The following NGF variants were observed in gnomAD, a reference collection of about 807,000 sequenced individuals.
The protein encoded by NGF is beta-nerve growth factor.
In NGF, 4 loss-of-function variants were observed where a neutral mutation model predicts 12.8. The ratio of observed to expected loss-of-function variants is 0.31; its 90% confidence interval spans 0.15 to 0.72. NGF has a LOEUF of 0.72. NGF is among the 30% of genes least tolerant of loss of function. The probability of loss-of-function intolerance (pLI) is 0.69; values close to 1 mark genes in which losing one functional copy is unlikely to be tolerated. For synonymous variants in NGF, 140 were observed against 130.0 expected (o/e 1.08, Z -0.52); for missense variants, 283 against 330.8 (o/e 0.86, Z 1.12).
intron 1 of NGF, among the ~76,000 whole-genome samples, chr1:115,300,666 A>T (rs1301113303): frequency 6.6e-6 from 1 of 152,166 alleles, no homozygotes; most frequent in African/African-American, 2.4e-5. Flanking sequence ...CTGACTTCAC[A>T]CCCAGAAAAT....
chr1:115,319,494 G>A (rs1436287208), intron 1 of NGF, among the ~76,000 whole-genome samples: 1 of 152,160 alleles, frequency 6.6e-6, no homozygotes, highest in Non-Finnish European at 1.5e-5. Flanking sequence ...CCTCGCCTCT[G>A]GGATGGCTGC....
At chr1:115,309,087 C>T (rs746332435) in intron 1 of NGF, among the ~76,000 whole-genome samples, 37 of 152,264 alleles carry the variant, frequency 2.4e-4, no homozygotes, top group Admixed American at 9.2e-4. Context: ...AGCAGAATGA[C>T]GTGGAGAAGG....
chr1:115,333,710 TTTCTTTTCTTTCTTTCC>T lies in NGF; in HGVS notation c.-137+4477_-137+4493del, dbSNP rs1418892613. ...CTTTCTTTCTTTCTTTCTTTCTTTCTTTCTTTTCTTTCTTTCCTTCTTTCTTTCTTTCTTCCTTCCTC... is the reference window on the plus strand; with the variant it reads ...CTTTCTTTCTTTCTTTCTTTCTTTCTTTCTTTCTTTCTTTCTTCCTTCCTC... On this transcript the variant is annotated intron_variant, in intron 1 of 2. Coordinates refer to ENST00000369512, the MANE Select transcript of NGF (RefSeq NM_002506.3). 7.6e-5 allele frequency among the ~76,000 whole-genome samples: 4 copies of T among 52,440 alleles called. 1 individual carries two copies. The highest frequency in any genetic ancestry group is 1.9e-4 in the Admixed American group (1 of 5,170). The allele number at this position is 52,440 out of a possible 152,430, so 34.4% of individuals were successfully genotyped here.
chr1:115,319,912 GGTTGATAAATAT>G (rs1654570815), intron 1 of NGF, among the ~76,000 whole-genome samples: 4 of 152,260 alleles, frequency 2.6e-5, no homozygotes, highest in African/African-American at 9.6e-5. Flanking sequence ...AGGCGTGGGT[GGTTGATAAATAT>G]CATTAGATGG....
At chr1:115,325,385 T>G (rs1654745803) in intron 1 of NGF, among the ~76,000 whole-genome samples, 1 of 151,966 alleles carries the variant, frequency 6.6e-6, no homozygotes, top group South Asian at 2.1e-4. Context: ...GTGCTTGTCC[T>G]GTGCATGTTG....
chr1:115,318,471 TG>T (rs1205300048), intron 1 of NGF, among the ~76,000 whole-genome samples: 2 of 152,158 alleles, frequency 1.3e-5, no homozygotes, highest in African/African-American at 4.8e-5. Flanking sequence ...ATGTGAGCTG[TG>T]CCGACAGGCC....
intron 1 of NGF, among the ~76,000 whole-genome samples, chr1:115,307,374 G>T (rs1557940921): frequency 6.6e-6 from 1 of 152,156 alleles, no homozygotes; most frequent in East Asian, 1.9e-4. Context: ...GATCCAGAGG[G>T]CAAAGGAGCA....
chr1:115,318,078 G>C (rs79686953), intron 1 of NGF, among the ~76,000 whole-genome samples: 3,347 of 152,180 alleles, frequency 0.022, 59 homozygotes, highest in African/African-American at 0.028. Flanking sequence ...CTGGCCTTTC[G>C]ATTCTCTCTT....
intron 2 of NGF, among the ~76,000 whole-genome samples, chr1:115,291,536 C>T (rs1423298020): frequency 1.3e-5 from 2 of 152,176 alleles, no homozygotes; most frequent in Admixed American, 1.3e-4. Context: ...TGAGAATGCT[C>T]TTTAATTGTC....
At chr1:115,324,588 G>C (rs1167468238) in intron 1 of NGF, among the ~76,000 whole-genome samples, 1 of 152,002 alleles carries the variant, frequency 6.6e-6, no homozygotes, top group Non-Finnish European at 1.5e-5. Context: ...CTGGACCCCT[G>C]AGCCCTTCAG....
intron 1 of NGF, among the ~76,000 whole-genome samples, chr1:115,333,785 C>T (rs558854207): frequency 2.9e-5 from 3 of 101,762 alleles, no homozygotes; most frequent in Non-Finnish European, 5.2e-5. Flanking sequence ...TCATTCCTTC[C>T]TTTCTTTTCT....
intron 1 of NGF, among the ~76,000 whole-genome samples, chr1:115,332,609 C>G (rs1209396654): frequency 3.3e-5 from 5 of 152,184 alleles, no homozygotes; most frequent in Non-Finnish European, 7.4e-5. Flanking sequence ...TTGGTGCCCC[C>G]CTCATGCCAG....
At position 115,337,267 on chromosome 1, in the gene NGF, GTTT is replaced by G. The variant is rs67307707; in HGVS notation, c.-137+934_-137+936del. ...TCGAAATTTTTTTTGTTTTGTTTTT[GTTT>G]TTTTTTTTTTTTTTTTTTTTTTTTT... On this transcript the variant is annotated intron_variant, in intron 1 of 2. Coordinates refer to ENST00000369512, the MANE Select transcript of NGF (RefSeq NM_002506.3). 7.1e-3 allele frequency among the ~76,000 whole-genome samples: 577 copies of G among 81,028 alleles called. 79 individuals carry two copies. Among genetic ancestry groups the G allele is most frequent in the East Asian group, 0.021 (57 of 2,724 alleles). The allele number at this position is 81,028 out of a possible 152,430, so 53.2% of individuals were successfully genotyped here.
intron 2 of NGF, 27 bp from the exon 3 acceptor site, chr1:115,286,834 CT>C: frequency 6.2e-7 from 1 of 1,613,560 alleles, no homozygotes; most frequent in Non-Finnish European, 8.5e-7. Context: ...ATGAGGGTGA[CT>C]TCATGGAGTA....
intron 1 of NGF, among the ~76,000 whole-genome samples, chr1:115,301,130 A>G (rs1654022280): frequency 1.3e-5 from 2 of 152,280 alleles, no homozygotes; most frequent in South Asian, 2.1e-4. Context: ...TTTGATAATG[A>G]CAACATGAAC....
chr1:115,323,411 A>T (rs945907244), intron 1 of NGF, among the ~76,000 whole-genome samples: 3 of 152,144 alleles, frequency 2.0e-5, no homozygotes, highest in Non-Finnish European at 2.9e-5. Flanking sequence ...GTGAATGAAA[A>T]GACAAAGTGG....
chr1:115,306,830 C>A (rs1319183099), intron 1 of NGF, among the ~76,000 whole-genome samples: 1 of 152,228 alleles, frequency 6.6e-6, no homozygotes, highest in Non-Finnish European at 1.5e-5. Context: ...ATGGCTGTCA[C>A]CTACAGGGTA....
chr1:115,336,179 A>G (rs1571103125), intron 1 of NGF, among the ~76,000 whole-genome samples: 1 of 151,338 alleles, frequency 6.6e-6, no homozygotes. Flanking sequence ...AGAGTCACCA[A>G]TACCGGGATG....
chr1:115,297,327 C>T (rs1012447091), intron 1 of NGF, among the ~76,000 whole-genome samples: 47 of 152,166 alleles, frequency 3.1e-4, no homozygotes, highest in Non-Finnish European at 2.9e-5. Context: ...AAAGCGCCAA[C>T]CCAGAGCCAG....
Sources: allele counts gnomAD v4.1 joint callset (sites outside exome capture counted in the v4.1 genomes callset), GRCh38; gene constraint gnomAD v4.1.1; transcripts MANE v1.5; gene names NCBI Gene and HGNC (gene_info 2026-07-23, HGNC 2026-07-21).